Variants in RFFL observed in about 807,000 individuals in gnomAD.
RFFL encodes E3 ubiquitin-protein ligase rififylin.
In RFFL, 16 loss-of-function variants were observed where a neutral mutation model predicts 40.4. The ratio of observed to expected loss-of-function variants is 0.40; its 90% CI spans 0.27 to 0.60. The LOEUF (loss-of-function observed/expected upper bound fraction) is 0.60, where lower values mean the gene tolerates loss of function less well. Ranked by LOEUF, RFFL falls within the 20% of genes least tolerant of loss-of-function variation. The pLI, the probability that RFFL is intolerant of heterozygous loss-of-function variation, is 0.47. For missense variants in RFFL, 367 were observed against 451.7 expected (o/e 0.81, Z 1.70); for synonymous variants, 154 against 167.9 (o/e 0.92, Z 0.64).
intron 4 of RFFL, 131 bp downstream of exon 4, chr17:35,017,392 C>A: frequency 1.5e-6 from 1 of 665,256 alleles, no homozygotes; most frequent in South Asian, 1.6e-5. Flanking sequence ...CTAAACCCTA[C>A]CCCAAAAATA....
At chr17:35,073,972 A>G (rs1740917632) in intron 1 of RFFL, 1 of 152,270 alleles carries the variant, frequency 6.6e-6, no homozygotes, top group Admixed American at 6.5e-5. Context: ...AAAATAAGTA[A>G]CAAGTATTGC....
Position 35,022,884 on chromosome 17 carries a change from C to T in RFFL, c.181-1103G>A, listed in dbSNP as rs1293485806. Among the ~76,000 whole-genome samples the T allele has an allele frequency of 2.0e-5, 3 of 152,362 alleles. No homozygotes were observed. In the East Asian group the frequency reaches 5.8e-4, roughly 29 times the overall value. On this transcript the variant is annotated intron_variant, in intron 2 of 6. Transcript: ENST00000394597. ...AGCACAGAGTGTCTCAGTTAGGCAACAAGAGCGCCTGATGGGCAAGCTGGT... is the reference window on the plus strand; with the variant it reads ...AGCACAGAGTGTCTCAGTTAGGCAATAAGAGCGCCTGATGGGCAAGCTGGT...
At chr17:35,066,326 T>A (rs2091321046), upstream of RFFL, among the ~76,000 whole-genome samples, 1 of 152,140 alleles carries the variant, frequency 6.6e-6, no homozygotes, top group Non-Finnish European at 1.5e-5. Flanking sequence ...CTGCAATAGA[T>A]CTTGACATTA....
At chr17:35,040,026 T>C (rs558218935) in intron 1 of RFFL, among the ~76,000 whole-genome samples, 1 of 152,236 alleles carries the variant, frequency 6.6e-6, no homozygotes, top group African/African-American at 2.4e-5. Context: ...CCAATCTAGC[T>C]TGAGCCAACC....
At chr17:35,022,085 G>C (rs1259235294) in intron 2 of RFFL, among the ~76,000 whole-genome samples, 1 of 152,186 alleles carries the variant, frequency 6.6e-6, no homozygotes, top group East Asian at 1.9e-4. Context: ...AAGACTACCA[G>C]CATAAGAATC....
At chr17:35,064,301 T>TA (rs2091309806), upstream of RFFL, among the ~76,000 whole-genome samples, 1 of 152,082 alleles carries the variant, frequency 6.6e-6, no homozygotes, top group Non-Finnish European at 1.5e-5. Context: ...TTTTTTTTTT[T>TA]AATCAGCTGC....
At chr17:35,034,654 G>A (rs915375631) in intron 1 of RFFL, among the ~76,000 whole-genome samples, 1 of 151,776 alleles carries the variant, frequency 6.6e-6, no homozygotes, top group African/African-American at 2.4e-5. Flanking sequence ...TCAGCCTCCC[G>A]AGTAGCTGGG....
chr17:35,026,372 A>G lies in RFFL; in HGVS notation c.180+2T>C. ...AGAGCAGGCCAAGAAGTCAGCACTC[A>G]CCTTCCTGGCCGTGTTTGCAAAGTG... On this transcript the variant is annotated splice_donor_variant, in intron 2 of 6. Transcript: ENST00000394597. LOFTEE classifies it high-confidence loss of function. The G allele has an allele frequency of 1.2e-6, 2 of 1,613,316 alleles. No individual in the cohort carries two copies. Among genetic ancestry groups the G allele is most frequent in the Non-Finnish European group, 1.7e-6 (2 of 1,179,694 alleles).
At chr17:35,013,789 C>A (rs2090956010) in intron 6 of RFFL, among the ~76,000 whole-genome samples, 1 of 152,094 alleles carries the variant, frequency 6.6e-6, no homozygotes, top group African/African-American at 2.4e-5. Context: ...CCCAGGGAAT[C>A]AGAAAAAGAA....
At chr17:35,082,735 A>G (rs1039676894) in intron 1 of RFFL, among the ~76,000 whole-genome samples, 3 of 152,242 alleles carry the variant, frequency 2.0e-5, no homozygotes, top group African/African-American at 7.2e-5. Context: ...TACAAAAAAC[A>G]TATTTTTCTC....
At chr17:35,072,188 G>T (rs1038404763) in intron 1 of RFFL, among the ~76,000 whole-genome samples, 1 of 152,024 alleles carries the variant, frequency 6.6e-6, no homozygotes, top group African/African-American at 2.4e-5. Flanking sequence ...GGCTGAAGTG[G>T]GAGGATGGCT....
intron 1 of RFFL, among the ~76,000 whole-genome samples, chr17:35,076,235 C>T (rs1161471904): frequency 1.3e-5 from 2 of 151,662 alleles, no homozygotes; most frequent in Admixed American, 1.3e-4. Context: ...CTCAAGTGAT[C>T]CGCCCGCCTC....
chr17:35,088,356 C>CA (rs1267239716), intron 1 of RFFL, among the ~76,000 whole-genome samples: 2 of 152,138 alleles, frequency 1.3e-5, no homozygotes, highest in African/African-American at 4.8e-5. Flanking sequence ...GACAGACCAA[C>CA]AAAAAGGAGA....
chr17:35,033,632 A>C (rs886144110), intron 1 of RFFL, among the ~76,000 whole-genome samples: 1 of 152,038 alleles, frequency 6.6e-6, no homozygotes, highest in Non-Finnish European at 1.5e-5. Context: ...CTCATTCACC[A>C]GACAGTGGGG....
intron 5 of RFFL, among the ~76,000 whole-genome samples, chr17:35,015,848 A>G (rs913948683): frequency 2.6e-5 from 4 of 152,064 alleles, no homozygotes; most frequent in Admixed American, 1.3e-4. Context: ...TCATTTAACC[A>G]CAGACCCAGA....
intron 6 of RFFL, among the ~76,000 whole-genome samples, chr17:35,013,291 G>GT (rs1191180565): frequency 5.9e-5 from 9 of 152,214 alleles, no homozygotes; most frequent in Admixed American, 1.3e-4. Context: ...TATCCAGACA[G>GT]TATCAACTGC....
At chr17:35,074,986 G>A (rs1004150869) in intron 1 of RFFL, among the ~76,000 whole-genome samples, 13 of 152,310 alleles carry the variant, frequency 8.5e-5, no homozygotes, top group Middle Eastern at 3.4e-3. Context: ...TAGGAAAGGG[G>A]ATTGTTTGTA....
At chr17:35,065,558 C>CA (rs947708350), upstream of RFFL, among the ~76,000 whole-genome samples, 2,611 of 50,630 alleles carry the variant, frequency 0.052, 61 homozygotes, top group African/African-American at 0.11. Flanking sequence ...AACTTCGTCT[C>CA]AAAAAAAAAA....
chr17:35,071,706 C>T (rs141371114), intron 1 of RFFL, among the ~76,000 whole-genome samples: 95 of 152,218 alleles, frequency 6.2e-4, no homozygotes, highest in African/African-American at 2.1e-3. Flanking sequence ...TTCCTGGATG[C>T]TTAACCCAAA....
Sources: gnomAD v4.1 joint callset for allele counts (sites outside exome capture counted in the v4.1 genomes callset) on GRCh38, gnomAD v4.1.1 for gene constraint, MANE v1.5 for transcripts, NCBI Gene and HGNC (gene_info 2026-07-23, HGNC 2026-07-21) for gene names.